The following SAP130 variants were observed in gnomAD, a reference collection of about 807,000 sequenced individuals.
The protein encoded by SAP130 is histone deacetylase complex subunit SAP130.
In SAP130, 16 loss-of-function variants were observed where a neutral mutation model predicts 103.2. The observed-to-expected ratio is 0.16, with a 90% CI of 0.10 to 0.24. The LOEUF (loss-of-function observed/expected upper bound fraction) is 0.24, where lower values mean the gene tolerates loss of function less well. SAP130 is among the 10% of genes least tolerant of loss of function. The probability of loss-of-function intolerance (pLI) is 1.00; values close to 1 mark genes in which losing one functional copy is unlikely to be tolerated. For missense variants in SAP130, 990 were observed against 1,359.7 expected (o/e 0.73, Z 4.28); for synonymous variants, 477 against 497.0 (o/e 0.96, Z 0.53).
intron 7 of SAP130, among the ~76,000 whole-genome samples, chr2:128,000,712 A>G (rs1683494734): frequency 6.6e-6 from 1 of 152,188 alleles, no homozygotes; most frequent in African/African-American, 2.4e-5. Flanking sequence ...AACACTCCGT[A>G]ACAAACTTGA....
chr2:127,991,890 C>A (rs1682838381), intron 12 of SAP130, among the ~76,000 whole-genome samples: 1 of 152,214 alleles, frequency 6.6e-6, no homozygotes, highest in Non-Finnish European at 1.5e-5. Flanking sequence ...TGCTCTGTGG[C>A]CACACATGCC....
At chr2:127,963,230 T>G (rs905027997) in intron 15 of SAP130, among the ~76,000 whole-genome samples, 1 of 152,112 alleles carries the variant, frequency 6.6e-6, no homozygotes, top group Non-Finnish European at 1.5e-5. Context: ...CTGAGTCAAA[T>G]TTCTCTCTCT....
intron 15 of SAP130, among the ~76,000 whole-genome samples, chr2:127,957,885 CAAAT>C (rs777450073): frequency 6.6e-6 from 1 of 151,926 alleles, no homozygotes; most frequent in African/African-American, 2.4e-5. Context: ...GTTCACCTGA[CAAAT>C]AAGAGTTTCC....
intron 18 of SAP130, among the ~76,000 whole-genome samples, chr2:127,946,492 A>G (rs1474021880): frequency 6.6e-6 from 1 of 152,172 alleles, no homozygotes; most frequent in African/African-American, 2.4e-5. Context: ...TGATACAATC[A>G]TGTGATTTTT....
Position 127,942,317 on chromosome 2 carries a change from G to T in SAP130, c.3015+107C>A. 9.2e-7 allele frequency: 1 copy of T among 1,088,312 alleles called. No individual in the cohort carries two copies. The highest frequency in any genetic ancestry group is 1.4e-6 in the Non-Finnish European group (1 of 724,756). 67.4% of individuals were successfully genotyped at this position (1,088,312 alleles called of 1,614,324 possible). A position where few individuals can be genotyped will look rare whatever the true frequency, so the allele number is the denominator to read the frequency against. On this transcript the variant is annotated intron_variant, in intron 20 of 20. Transcript: ENST00000643581. The surrounding 1 kb of genome is among the most constrained non-coding windows in gnomAD (Gnocchi z 4.8). ...CAGGAGTGCAGGCTGAAGCACGTAT[G>T]TTTTTACTGAAGATATGAGGGAGAC...
chr2:127,996,580 G>T lies in SAP130; in HGVS notation c.1214-89C>A. ...CTTGGCTAGCAGCAATCTTAGGAAAGCAAACAATTAAAATAAGCCTGGATT... is the reference window on the plus strand; with the variant it reads ...CTTGGCTAGCAGCAATCTTAGGAAATCAAACAATTAAAATAAGCCTGGATT... On this transcript the variant is annotated intron_variant, in intron 10 of 20. Coordinates refer to ENST00000643581, the MANE Select transcript of SAP130 (RefSeq NM_001330301.2). The surrounding 1 kb of genome is among the most constrained non-coding windows in gnomAD (Gnocchi z 4.3). The T allele has an allele frequency of 1.7e-6, 2 of 1,187,002 alleles. No homozygotes were observed. Among genetic ancestry groups the T allele is most frequent in the Non-Finnish European group, 2.3e-6 (2 of 887,526 alleles). The allele number at this position is 1,187,002 out of a possible 1,614,324, so 73.5% of individuals were successfully genotyped here. A position where few individuals can be genotyped will look rare whatever the true frequency, so the allele number is the denominator to read the frequency against.
intron 15 of SAP130, among the ~76,000 whole-genome samples, chr2:127,969,388 T>G (rs988047338): frequency 6.6e-6 from 1 of 152,206 alleles, no homozygotes; most frequent in Admixed American, 6.5e-5. Context: ...CAAGTCAAGT[T>G]CAGCATCCCT....
intron 2 of SAP130, among the ~76,000 whole-genome samples, chr2:128,018,337 CA>C (rs1431391834): frequency 7.1e-6 from 1 of 139,950 alleles, no homozygotes; most frequent in Admixed American, 7.0e-5. Context: ...AAAAACAAAC[CA>C]AAAACCAAAA....
Position 128,028,018 on chromosome 2 carries a change from C to T in SAP130, c.-85G>A, listed in dbSNP as rs977849418. On this transcript the variant is annotated 5_prime_UTR_variant, in exon 1 of 21. Transcript: ENST00000643581. ...TCTCCGTCTGTGGGGCCGACGTCCC[C>T]AGGCTCCGGACCCGCAGCCACCGCC... 7 of 983,574 alleles carry T rather than the reference C, an allele frequency of 7.1e-6. No homozygotes were observed. Among genetic ancestry groups the T allele is most frequent in the Non-Finnish European group, 6.0e-6 (5 of 828,038 alleles). 60.9% of individuals were successfully genotyped at this position (983,574 alleles called of 1,614,324 possible). A position where few individuals can be genotyped will look rare whatever the true frequency, so the allele number is the denominator to read the frequency against.
intron 15 of SAP130, among the ~76,000 whole-genome samples, chr2:127,958,408 C>T (rs765346303): frequency 2.6e-5 from 4 of 152,060 alleles, no homozygotes; most frequent in Admixed American, 1.3e-4. Flanking sequence ...GGCGAGACTC[C>T]GTCTCAAAAA....
Position 127,947,764 on chromosome 2 carries a change from C to CTGTGTGAGTGTGTG in SAP130, c.2797+2104_2797+2105insCACACACTCACACA, listed in dbSNP as rs1553500424. 5.9e-3 allele frequency among the ~76,000 whole-genome samples: 851 copies of CTGTGTGAGTGTGTG among 143,414 alleles called. 10 individuals carry two copies. Among genetic ancestry groups the CTGTGTGAGTGTGTG allele is most frequent in the African/African-American group, 0.021 (805 of 38,166 alleles). 94.1% of individuals were successfully genotyped at this position (143,414 alleles called of 152,430 possible). On this transcript the variant is annotated intron_variant, in intron 18 of 20. Coordinates refer to ENST00000643581, the MANE Select transcript of SAP130 (RefSeq NM_001330301.2). Reference sequence around the variant, plus strand: ...TGAATTAATTTTGTATTGTGTGTGTCTGTGTGTGTGTGTGTGTGTGTGTGT... The same window carrying CTGTGTGAGTGTGTG: ...TGAATTAATTTTGTATTGTGTGTGTCTGTGTGAGTGTGTGTGTGTGTGTGTGTGTGTGTGTGTGT...
chr2:127,985,151 T>G (rs1271226530), intron 14 of SAP130, among the ~76,000 whole-genome samples: 2 of 152,174 alleles, frequency 1.3e-5, no homozygotes, highest in Admixed American at 1.3e-4. Flanking sequence ...TTTACAACTT[T>G]TTTGAAAAAA....
chr2:128,025,445 G>C (rs1685437854), intron 2 of SAP130, among the ~76,000 whole-genome samples: 1 of 152,168 alleles, frequency 6.6e-6, no homozygotes. Context: ...TTTTATCTAT[G>C]TGTATACAAT....
At chr2:127,961,398 T>C (rs772595593) in intron 15 of SAP130, among the ~76,000 whole-genome samples, 26 of 151,936 alleles carry the variant, frequency 1.7e-4, no homozygotes, top group Non-Finnish European at 3.7e-4. Flanking sequence ...TCCTCCCATC[T>C]TGGCCTCCCA....
At chr2:128,007,041 T>A (rs1315535223) in intron 7 of SAP130, among the ~76,000 whole-genome samples, 1 of 152,178 alleles carries the variant, frequency 6.6e-6, no homozygotes. Flanking sequence ...TTCAACAAAA[T>A]TCAATATCCA....
At position 127,955,320 on chromosome 2, in the gene SAP130, G is replaced by A. The variant is rs1190493087; in HGVS notation, c.2088C>T (p.His696=). ...CAGTGACCGGAGTGGCCATAGACAC[G>A]TGGATTTCAGACTTGGGTTTGGCAC... ...PAGAKPKSEI[H]VSMATPVTVS... is the part of the protein sequence containing the mutation. Residue 696 remains histidine, a synonymous_variant, in exon 16 of 21, where the codon CAC becomes CAT. Coordinates refer to ENST00000643581, the MANE Select transcript of SAP130 (RefSeq NM_001330301.2). This position sits in a 1 kb window ranked among gnomAD's most constrained non-coding sequence, Gnocchi z 4.9. The A allele has an allele frequency of 1.9e-6, 3 of 1,573,714 alleles. No homozygotes were observed. Among genetic ancestry groups the A allele is most frequent in the South Asian group, 1.2e-5 (1 of 86,694 alleles).
At position 127,993,262 on chromosome 2, in the gene SAP130, G is replaced by T; in HGVS notation, c.1402C>A (p.Pro468Thr). 6.2e-7 allele frequency: 1 copy of T among 1,613,976 alleles called. No homozygotes were observed. The highest frequency in any genetic ancestry group is 2.2e-5 in the East Asian group (1 of 44,874). The change falls in exon 12 of 21, where the codon CCT becomes ACT. Residue 468 changes from proline (P) to threonine (T), a missense_variant. Physicochemically the swap from Pro to Thr is conservative, Grantham distance 38. Around this residue, in one of 6 missense-constraint regions of SAP130, gnomAD observed 336 missense variants for 520.1 expected, o/e 0.65. Coordinates refer to ENST00000643581, the MANE Select transcript of SAP130 (RefSeq NM_001330301.2). Reference protein sequence around the residue: ...QFQYFLPTYPPSAYPLAAHTY... With the variant: ...QFQYFLPTYPTSAYPLAAHTY... ...TGTGCCGCCAGTGGGTATGCAGAAG[G>T]GGGGTAAGTTGGCAAAAAATATTGG...
chr2:128,009,380 A>G (rs1684220470), intron 7 of SAP130, among the ~76,000 whole-genome samples: 1 of 152,156 alleles, frequency 6.6e-6, no homozygotes, highest in Non-Finnish European at 1.5e-5. Context: ...CTGAGGCAAG[A>G]GGATCACTTG....
Position 127,941,778 on chromosome 2 carries a change from G to T in SAP130, c.*228C>A. ...TGCATCCGGAGTCACTTATGACACAGATCAGGTTTAACAGGGGTGCACCCG... is the reference window on the plus strand; with the variant it reads ...TGCATCCGGAGTCACTTATGACACATATCAGGTTTAACAGGGGTGCACCCG... On this transcript the variant is annotated 3_prime_UTR_variant, in exon 21 of 21. Transcript: ENST00000643581. 2 of 527,912 alleles carry T rather than the reference G, an allele frequency of 3.8e-6. No individual in the cohort carries two copies. The highest frequency in any genetic ancestry group is 3.8e-5 in the Admixed American group (1 of 26,076). 32.7% of individuals were successfully genotyped at this position (527,912 alleles called of 1,614,324 possible).
Sources: gnomAD v4.1 joint callset for allele counts (sites outside exome capture counted in the v4.1 genomes callset) on GRCh38, gnomAD v4.1.1 for gene constraint, gnomAD v4.1.1 regional missense constraint, Gnocchi (gnomAD v3.1) non-coding constraint, MANE v1.5 for transcripts, NCBI Gene and HGNC (gene_info 2026-07-23, HGNC 2026-07-21) for gene names.